The following AKAP6 variants were observed in gnomAD, a reference collection of about 807,000 sequenced individuals.
AKAP6 encodes A-kinase anchor protein 6.
AKAP6 carries 58 observed loss-of-function variants against 188.5 expected under a neutral mutation model. The observed-to-expected ratio is 0.31, with a 90% CI of 0.25 to 0.38. The LOEUF (loss-of-function observed/expected upper bound fraction) is 0.38, where lower values mean the gene tolerates loss of function less well. AKAP6 is among the 10% of genes least tolerant of loss of function. AKAP6 has a pLI of 1.00. For synonymous variants in AKAP6, 989 were observed against 998.6 expected (o/e 0.99, Z 0.18); for missense variants, 2,710 against 2,740.0 (o/e 0.99, Z 0.24).
intron 3 of AKAP6, among the ~76,000 whole-genome samples, chr14:32,540,244 G>T (rs1882888376): frequency 7.0e-6 from 1 of 142,808 alleles, no homozygotes; most frequent in African/African-American, 2.6e-5. Flanking sequence ...TGTTTCCCAG[G>T]CTGGAGTGCA....
At position 32,735,784 on chromosome 14, in the gene AKAP6, G is replaced by T; in HGVS notation, c.3274G>T (p.Gly1092Ter). 6.2e-7 allele frequency: 1 copy of T among 1,613,462 alleles called. No individual in the cohort carries two copies. The highest frequency in any genetic ancestry group is 8.5e-7 in the Non-Finnish European group (1 of 1,179,666). The change falls in exon 11 of 14, where the codon GGA (glycine) becomes TGA (stop). Residue 1092 changes from glycine (G) to a stop codon, truncating the protein, a stop_gained. Transcript: ENST00000280979. LOFTEE classifies it high-confidence loss of function. Reference protein sequence around the residue: ...QLEVRIKELKGWLRDTELFIF... With the variant: ...QLEVRIKELK ...GGAGGTCAGGATCAAAGAACTGAAA[G>T]GATGGCTAAGAGATACAGAGCTTTT...
chr14:32,806,687 CAA>C (rs916260256), intron 12 of AKAP6, among the ~76,000 whole-genome samples: 1 of 151,698 alleles, frequency 6.6e-6, no homozygotes, highest in Non-Finnish European at 1.5e-5. Context: ...CCTACACACA[CAA>C]AAAAACTCAG....
chr14:32,837,680 T>G lies in AKAP6; in HGVS notation c.*7875T>G, dbSNP rs1464034173. 6.6e-6 allele frequency: 1 copy of G among 152,182 alleles called. No homozygotes were observed. The highest frequency in any genetic ancestry group is 1.5e-5 in the Non-Finnish European group (1 of 68,036). The allele number at this position is 152,182 out of a possible 1,614,324, so 9.4% of individuals were successfully genotyped here. A position where few individuals can be genotyped will look rare whatever the true frequency, so the allele number is the denominator to read the frequency against. On this transcript the variant is annotated 3_prime_UTR_variant, in exon 14 of 14. Coordinates refer to ENST00000280979, the MANE Select transcript of AKAP6 (RefSeq NM_004274.5). ...TCTTGTCATTAAAATGATGTGAAAATCAAATCATTCTTCATATTTGTGCTC... is the reference window on the plus strand; with the variant it reads ...TCTTGTCATTAAAATGATGTGAAAAGCAAATCATTCTTCATATTTGTGCTC...
chr14:32,793,402 C>G (rs539554520), intron 12 of AKAP6, among the ~76,000 whole-genome samples: 1 of 151,862 alleles, frequency 6.6e-6, no homozygotes, highest in East Asian at 1.9e-4. Flanking sequence ...AGAGTTTAAA[C>G]CAGCAAAGAT....
chr14:32,472,596 C>G (rs748298589), intron 2 of AKAP6, among the ~76,000 whole-genome samples: 1 of 152,126 alleles, frequency 6.6e-6, no homozygotes, highest in Non-Finnish European at 1.5e-5. Flanking sequence ...GTGGAGAATG[C>G]ATGAAAACAT....
intron 1 of AKAP6, among the ~76,000 whole-genome samples, chr14:32,430,625 T>C (rs1318445587): frequency 6.6e-6 from 1 of 152,154 alleles, no homozygotes; most frequent in Non-Finnish European, 1.5e-5. Context: ...TTCAGTTTTC[T>C]AGTTTCAGTG....
At chr14:32,793,403 C>A (rs1405827903) in intron 12 of AKAP6, among the ~76,000 whole-genome samples, 2 of 151,850 alleles carry the variant, frequency 1.3e-5, no homozygotes, top group Non-Finnish European at 2.9e-5. Context: ...GAGTTTAAAC[C>A]AGCAAAGATT....
At chr14:32,501,257 T>C (rs1387413324) in intron 2 of AKAP6, among the ~76,000 whole-genome samples, 8 of 152,212 alleles carry the variant, frequency 5.3e-5, no homozygotes, top group African/African-American at 1.9e-4. Flanking sequence ...ACACAAAGTT[T>C]TTGAAATCCA....
intron 11 of AKAP6, among the ~76,000 whole-genome samples, chr14:32,764,776 A>C (rs1029760299): frequency 2.6e-5 from 4 of 152,112 alleles, no homozygotes; most frequent in African/African-American, 9.7e-5. Flanking sequence ...CATATAAAGT[A>C]CCTTTTAAAA....
chr14:32,369,752 C>T (rs1887948744), intron 1 of AKAP6, among the ~76,000 whole-genome samples: 1 of 152,198 alleles, frequency 6.6e-6, no homozygotes, highest in African/African-American at 2.4e-5. Flanking sequence ...TTAAACAAAA[C>T]AAAATGTGTA....
At chr14:32,622,410 A>G (rs966118669) in intron 7 of AKAP6, among the ~76,000 whole-genome samples, 1 of 152,108 alleles carries the variant, frequency 6.6e-6, no homozygotes, top group African/African-American at 2.4e-5. Context: ...ATATAATAAT[A>G]GAGACAAATA....
At chr14:32,775,987 CGGGT>C (rs1205138138) in intron 12 of AKAP6, among the ~76,000 whole-genome samples, 2 of 152,104 alleles carry the variant, frequency 1.3e-5, no homozygotes, top group Non-Finnish European at 2.9e-5. Flanking sequence ...CTGTGAGCAC[CGGGT>C]ACATCATTCA....
At chr14:32,330,067 C>T (rs1886484349) in intron 1 of AKAP6, among the ~76,000 whole-genome samples, 1 of 152,122 alleles carries the variant, frequency 6.6e-6, no homozygotes, top group Admixed American at 6.6e-5. Context: ...TTTTCCATCT[C>T]TAGCTAGTCT....
intron 2 of AKAP6, among the ~76,000 whole-genome samples, chr14:32,464,916 G>A (rs1425702614): frequency 6.6e-6 from 1 of 152,122 alleles, no homozygotes; most frequent in East Asian, 1.9e-4. Context: ...CAAAATCAAT[G>A]TGCAAAATCA....
intron 7 of AKAP6, among the ~76,000 whole-genome samples, chr14:32,656,411 G>A (rs139668226): frequency 3.3e-5 from 5 of 152,222 alleles, no homozygotes; most frequent in Admixed American, 3.3e-4. Flanking sequence ...ATGAGAAATA[G>A]AAGACAGTGG....
chr14:32,375,861 C>T (rs1888142656), intron 1 of AKAP6: 1 of 152,124 alleles, frequency 6.6e-6, no homozygotes, highest in Non-Finnish European at 1.5e-5. Flanking sequence ...AAGGGAGTTT[C>T]CAGGAGAGAG....
At chr14:32,665,135 A>G (rs1888870025) in intron 7 of AKAP6, among the ~76,000 whole-genome samples, 2 of 152,170 alleles carry the variant, frequency 1.3e-5, no homozygotes, top group South Asian at 4.1e-4. Flanking sequence ...AGTTCTCCCC[A>G]TACACCAAGC....
intron 2 of AKAP6, among the ~76,000 whole-genome samples, chr14:32,524,168 A>T (rs1882005304): frequency 6.6e-6 from 1 of 152,010 alleles, no homozygotes; most frequent in Non-Finnish European, 1.5e-5. Context: ...AAAAAAAAAA[A>T]TGGAGAAGAG....
Position 32,480,394 on chromosome 14 carries a change from T to C in AKAP6, c.324+46577T>C, listed in dbSNP as rs1376838512. On this transcript the variant is annotated intron_variant, in intron 2 of 13. Transcript: ENST00000280979. Reference sequence around the variant, plus strand: ...TGGGTTAAGCCCTCAAGTCTAATGATTGAAACAATAGTACAGTATGCAGGA... The same window carrying C: ...TGGGTTAAGCCCTCAAGTCTAATGACTGAAACAATAGTACAGTATGCAGGA... Among the ~76,000 whole-genome samples, 7 of 152,320 alleles carry C rather than the reference T, an allele frequency of 4.6e-5. 1 individual carries two copies. The highest frequency in any genetic ancestry group is 6.8e-3 in the Middle Eastern group (2 of 294).
Sources: allele counts gnomAD v4.1 joint callset (sites outside exome capture counted in the v4.1 genomes callset), GRCh38; gene constraint gnomAD v4.1.1; transcripts MANE v1.5; gene names NCBI Gene and HGNC (gene_info 2026-07-23, HGNC 2026-07-21).